The following POU6F1 variants were observed in gnomAD, a reference collection of about 807,000 sequenced individuals.
POU6F1 encodes POU domain, class 6, transcription factor 1.
Under a neutral mutation model 28.9 loss-of-function variants are expected in POU6F1, and 9 were observed. The observed-to-expected ratio is 0.31, with a 90% CI of 0.19 to 0.54. The LOEUF (loss-of-function observed/expected upper bound fraction) is 0.54, where lower values mean the gene tolerates loss of function less well. Ranked by LOEUF, POU6F1 falls within the 20% of genes least tolerant of loss-of-function variation. The pLI, the probability that POU6F1 is intolerant of heterozygous loss-of-function variation, is 0.94. For synonymous variants in POU6F1, 173 were observed against 171.1 expected (o/e 1.01, Z -0.09); for missense variants, 338 against 426.1 (o/e 0.79, Z 1.82).
rs776616999 is a variant in POU6F1, at chr12:51,191,711, C to T, written c.1375G>A (p.Glu459Lys). The change falls in exon 10 of 11, where the codon GAG becomes AAG. Residue 459 changes from glutamate to lysine, a missense_variant. Glu to Lys is a moderately conservative substitution (Grantham distance 56, BLOSUM62 1). Coordinates refer to ENST00000333640, the MANE Select transcript of POU6F1 (RefSeq NM_001330422.2). ...EDGINLEEIR[E>K]FAKNFKIRRL... ...CGGATCTTAAAGTTCTTGGCAAACT[C>T]CCGGATCTCTTCTAAGTTGATCCCA... 6.2e-7 allele frequency: 1 copy of T among 1,614,226 alleles called. No homozygotes were observed. The highest frequency in any genetic ancestry group is 8.5e-7 in the Non-Finnish European group (1 of 1,180,046).
chr12:51,212,195 G>T (rs1944044967), intron 1 of POU6F1, among the ~76,000 whole-genome samples: 2 of 151,998 alleles, frequency 1.3e-5, no homozygotes, highest in Admixed American at 1.3e-4. Flanking sequence ...CCGGGTTCAG[G>T]TGATTCTCCT....
intron 1 of POU6F1, among the ~76,000 whole-genome samples, chr12:51,209,107 T>C (rs1249673875): frequency 6.6e-6 from 1 of 152,228 alleles, no homozygotes; most frequent in African/African-American, 2.4e-5. Context: ...GGTATTTTGT[T>C]ATAGCAGCCC....
Position 51,218,007 on chromosome 12 carries a change from C to T in POU6F1, c.-413G>A, listed in dbSNP as rs1489765491. Among the ~76,000 whole-genome samples, 1 of 149,232 alleles carries T rather than the reference C, an allele frequency of 6.7e-6. No individual in the cohort carries two copies. The highest frequency in any genetic ancestry group is 1.5e-5 in the Non-Finnish European group (1 of 67,126). On this transcript the variant is annotated 5_prime_UTR_variant, in exon 1 of 11. Coordinates refer to ENST00000333640, the MANE Select transcript of POU6F1 (RefSeq NM_001330422.2). ...CCCCTTTTCCCTCCCCCCCTTTTTT[C>T]CCTCCTTCTGCTACTTGGATTTTTT...
intron 3 of POU6F1, among the ~76,000 whole-genome samples, chr12:51,200,132 A>T (rs763600747): frequency 6.6e-6 from 1 of 152,170 alleles, no homozygotes; most frequent in Non-Finnish European, 1.5e-5. Flanking sequence ...CATCTAGCTG[A>T]AGAAGATACC....
chr12:51,193,015 A>T (rs535911289), intron 8 of POU6F1, among the ~76,000 whole-genome samples: 3 of 152,304 alleles, frequency 2.0e-5, no homozygotes, highest in African/African-American at 7.2e-5. Flanking sequence ...CTGGAGCTTC[A>T]CACCCAACTG....
chr12:51,215,576 A>G (rs1043432440), intron 1 of POU6F1, among the ~76,000 whole-genome samples: 11 of 151,002 alleles, frequency 7.3e-5, no homozygotes, highest in Non-Finnish European at 1.2e-4. Flanking sequence ...AAAAAAAAAA[A>G]AGAGAGATTT....
At chr12:51,197,640 C>T (rs1036014222) in intron 6 of POU6F1, 130 bp downstream of exon 6, 5 of 397,820 alleles carry the variant, frequency 1.3e-5, no homozygotes, top group African/African-American at 2.1e-5. Flanking sequence ...GGGAGCCCAT[C>T]TCTGCTGATG....
intron 2 of POU6F1, among the ~76,000 whole-genome samples, chr12:51,205,596 T>C (rs191497140): frequency 6.6e-6 from 1 of 152,358 alleles, no homozygotes; most frequent in East Asian, 1.9e-4. Flanking sequence ...CAGGCCTCTG[T>C]GCATTTGGCC....
chr12:51,196,471 G>A (rs929299075), intron 7 of POU6F1, among the ~76,000 whole-genome samples: 4 of 152,170 alleles, frequency 2.6e-5, no homozygotes, highest in Admixed American at 2.6e-4. Context: ...CTTCTGTCTT[G>A]TAAGATGGGA....
Position 51,191,503 on chromosome 12 carries a change from T to C in POU6F1, c.1490+93A>G, listed in dbSNP as rs1161142915. ...AAAAAGGCTGGAGCAAGGGGGCATA[T>C]GGAAAAGGGGCCGGTGCTCAGGTTC... On this transcript the variant is annotated intron_variant, in intron 10 of 10. Coordinates refer to ENST00000333640, the MANE Select transcript of POU6F1 (RefSeq NM_001330422.2). 5.5e-6 allele frequency: 8 copies of C among 1,444,628 alleles called. No individual in the cohort carries two copies. The East Asian group carries it at 9.3e-5, about 17-fold the overall frequency. 89.5% of individuals were successfully genotyped at this position (1,444,628 alleles called of 1,614,324 possible).
chr12:51,195,850 GA>G, intron 8 of POU6F1, 119 bp downstream of exon 8: 1 of 1,178,110 alleles, frequency 8.5e-7, no homozygotes, highest in Non-Finnish European at 1.2e-6. Flanking sequence ...CCCACTTTAG[GA>G]AGCGCCCTGC....
At chr12:51,207,664 G>A (rs1286002106) in intron 1 of POU6F1, 1 of 152,204 alleles carries the variant, frequency 6.6e-6, no homozygotes, top group African/African-American at 2.4e-5. Flanking sequence ...ATCAATTAAA[G>A]TACAGAGTAG....
intron 1 of POU6F1, among the ~76,000 whole-genome samples, chr12:51,213,645 T>C (rs1267227796): frequency 6.6e-6 from 1 of 152,040 alleles, no homozygotes; most frequent in African/African-American, 2.4e-5. Flanking sequence ...ACGATTCTCC[T>C]GCCTCAACCT....
chr12:51,206,842 C>G lies in POU6F1; in HGVS notation c.-6G>C, dbSNP rs1943662051. The stretch of plus-strand genomic sequence containing the variant: ...GACCCGGCTCCAGGATCCATGGTCA[C>G]TTGTCAGGGTCGGGTGGGGGCCGGC... On this transcript the variant is annotated 5_prime_UTR_variant, in exon 2 of 11. Coordinates refer to ENST00000333640, the MANE Select transcript of POU6F1 (RefSeq NM_001330422.2). 1 of 398,844 alleles carries G rather than the reference C, an allele frequency of 2.5e-6. No individual in the cohort carries two copies. Among genetic ancestry groups the G allele is most frequent in the Non-Finnish European group, 4.4e-6 (1 of 226,060 alleles). 24.7% of individuals were successfully genotyped at this position (398,844 alleles called of 1,614,324 possible). A position where few individuals can be genotyped will look rare whatever the true frequency, so the allele number is the denominator to read the frequency against.
At chr12:51,197,018 G>C (rs1365718045) in intron 6 of POU6F1, 91 bp from the exon 7 acceptor site, 8 of 696,430 alleles carry the variant, frequency 1.1e-5, no homozygotes, top group Non-Finnish European at 1.9e-5. Context: ...GGGGTGGGTA[G>C]ATGTGAATGT....
chr12:51,197,728 C>T (rs1942934402), intron 6 of POU6F1, 42 bp downstream of exon 6: 1 of 399,252 alleles, frequency 2.5e-6, no homozygotes, highest in Admixed American at 4.4e-5. Context: ...GCCCATGATT[C>T]CGTCCATCCC....
Position 51,197,942 on chromosome 12 carries a change from C to T in POU6F1, c.674G>A (p.Arg225Gln). 5 of 402,370 alleles carry T rather than the reference C, an allele frequency of 1.2e-5. No individual in the cohort carries two copies. Among genetic ancestry groups the T allele is most frequent in the South Asian group, 1.2e-4 (1 of 8,452 alleles). 24.9% of individuals were successfully genotyped at this position (402,370 alleles called of 1,614,324 possible). The change falls in exon 6 of 11, where the codon CGG (arginine) becomes CAG (glutamine). Residue 225 changes from arginine to glutamine, a missense_variant. Arg to Gln is a conservative substitution (Grantham distance 43). Transcript: ENST00000333640. Reference sequence around the variant, plus strand: ...CAGCGTCTGGGGCTGGGCTGGTGGCCGGGGTTGGGCCGTCGAGGAGGCCTG... The same window carrying T: ...CAGCGTCTGGGGCTGGGCTGGTGGCTGGGGTTGGGCCGTCGAGGAGGCCTG... ...PVQASSTAQP[R>Q]PPAQPQTLFQ...
chr12:51,192,156 G>A (rs527563820), intron 9 of POU6F1, among the ~76,000 whole-genome samples, 174 bp downstream of exon 9: 11 of 152,266 alleles, frequency 7.2e-5, no homozygotes, highest in South Asian at 2.1e-4. Context: ...CACTGTCATC[G>A]TGCCCAAACT....
chr12:51,205,825 T>A (rs541087991), intron 2 of POU6F1, among the ~76,000 whole-genome samples: 1 of 147,938 alleles, frequency 6.8e-6, no homozygotes, highest in Non-Finnish European at 1.5e-5. Flanking sequence ...TTTCTTTTTT[T>A]TTTTTTTTTT....
Sources: allele counts gnomAD v4.1 joint callset (sites outside exome capture counted in the v4.1 genomes callset), GRCh38; gene constraint gnomAD v4.1.1; transcripts MANE v1.5; gene names NCBI Gene and HGNC (gene_info 2026-07-23, HGNC 2026-07-21).